The following ADAMTSL1 variants were observed in gnomAD, a reference collection of about 807,000 sequenced individuals.
The protein encoded by ADAMTSL1 is ADAMTS like 1, also known as ADAMTS-like protein 1.
Under a neutral mutation model 201.8 loss-of-function variants are expected in ADAMTSL1, and 126 were observed. The observed-to-expected ratio is 0.62, with a 90% CI of 0.54 to 0.72. The LOEUF is 0.72. Among genes scored for constraint, ADAMTSL1 ranks in the 30% least tolerant of loss-of-function variants. ADAMTSL1 has a pLI of 0.00. For missense variants in ADAMTSL1, 2,679 were observed against 2,277.8 expected, an observed-to-expected ratio of 1.18 and a Z score of -3.59; for synonymous variants, 1,121 against 903.4, an observed-to-expected ratio of 1.24 and a Z score of -4.32.
chr9:18,552,981 A>G (rs894617536), intron 3 of ADAMTSL1, among the ~76,000 whole-genome samples: 8 of 151,476 alleles, frequency 5.3e-5, no homozygotes, highest in African/African-American at 1.5e-4. Context: ...TGCTGTCACT[A>G]TGGTTACTGA....
intron 2 of ADAMTSL1, among the ~76,000 whole-genome samples, chr9:18,171,006 G>T (rs987513377): frequency 6.6e-6 from 1 of 152,064 alleles, no homozygotes; most frequent in Non-Finnish European, 1.5e-5. Context: ...AAATGTTCAT[G>T]AATGGGAAGT....
At chr9:17,935,241 C>G (rs1826957082) in intron 1 of ADAMTSL1, among the ~76,000 whole-genome samples, 1 of 152,080 alleles carries the variant, frequency 6.6e-6, no homozygotes, top group Non-Finnish European at 1.5e-5. Flanking sequence ...GTGCGGCCTC[C>G]AGAACCCCAC....
chr9:18,861,890 T>TC (rs34896270), intron 23 of ADAMTSL1, among the ~76,000 whole-genome samples: 1 of 152,032 alleles, frequency 6.6e-6, no homozygotes, highest in Non-Finnish European at 1.5e-5. Flanking sequence ...CACTCAACTC[T>TC]CCCCCGTCTT....
At chr9:18,226,178 T>G (rs923337474) in intron 2 of ADAMTSL1, among the ~76,000 whole-genome samples, 4 of 152,210 alleles carry the variant, frequency 2.6e-5, no homozygotes, top group Admixed American at 1.3e-4. Flanking sequence ...TGTTTCTTTT[T>G]AATTTTTTCA....
At chr9:18,335,690 A>T (rs1455002438) in intron 2 of ADAMTSL1, among the ~76,000 whole-genome samples, 1 of 152,152 alleles carries the variant, frequency 6.6e-6, no homozygotes, top group Non-Finnish European at 1.5e-5. Context: ...CTTCAAAAAC[A>T]AAAATGTGAA....
chr9:18,576,599 T>G (rs1364285371), intron 4 of ADAMTSL1, among the ~76,000 whole-genome samples: 1 of 152,186 alleles, frequency 6.6e-6, no homozygotes, highest in East Asian at 1.9e-4. Flanking sequence ...AACTCACAGT[T>G]ATTGCCGTTT....
At chr9:18,266,675 G>T (rs903250994) in intron 2 of ADAMTSL1, among the ~76,000 whole-genome samples, 1 of 152,118 alleles carries the variant, frequency 6.6e-6, no homozygotes, top group Non-Finnish European at 1.5e-5. Context: ...GTGGTTCCAT[G>T]GTCCTCATCA....
chr9:18,621,586 ACACACAC>A, intron 4 of ADAMTSL1, among the ~76,000 whole-genome samples: 1 of 148,766 alleles, frequency 6.7e-6, no homozygotes, highest in Middle Eastern at 3.4e-3. Flanking sequence ...ACACACACAC[ACACACAC>A]ACACACAGTA....
intron 25 of ADAMTSL1, chr9:18,890,844 G>A (rs541421331): frequency 3.2e-6 from 1 of 308,158 alleles, no homozygotes; most frequent in Non-Finnish European, 6.4e-6. Flanking sequence ...TTGCCAAGCT[G>A]TGCAAAATGA....
intron 2 of ADAMTSL1, among the ~76,000 whole-genome samples, chr9:18,295,145 T>C (rs1278764050): frequency 6.6e-6 from 1 of 152,080 alleles, no homozygotes; most frequent in Non-Finnish European, 1.5e-5. Flanking sequence ...ATGGTCACTA[T>C]AGAATGGGCC....
chr9:18,514,327 C>CTTT lies in ADAMTSL1; in HGVS notation c.191+9392_191+9394dup, dbSNP rs397963773. Among the ~76,000 whole-genome samples, 530 of 100,068 alleles carry CTTT rather than the reference C, an allele frequency of 5.3e-3. 16 individuals carry two copies. Among genetic ancestry groups the CTTT allele is most frequent in the African/African-American group, 0.017 (432 of 25,898 alleles). The allele number at this position is 100,068 out of a possible 152,430, so 65.6% of individuals were successfully genotyped here. On this transcript the variant is annotated intron_variant, in intron 2 of 28. Transcript: ENST00000380548. ...GTAGAATTGCAACTGATTTTTCTTT[C>CTTT]TTTTTTTTTTTTTTTTTTTTTTTGA...
At chr9:18,084,218 T>C (rs1162925333) in intron 1 of ADAMTSL1, among the ~76,000 whole-genome samples, 6 of 152,052 alleles carry the variant, frequency 3.9e-5, no homozygotes, top group Non-Finnish European at 5.9e-5. Flanking sequence ...TTATGTAAAA[T>C]AAAATTAAGA....
chr9:18,904,102 G>T (rs764616744), intron 26 of ADAMTSL1, among the ~76,000 whole-genome samples: 2 of 151,978 alleles, frequency 1.3e-5, no homozygotes, highest in Non-Finnish European at 2.9e-5. Flanking sequence ...CTGCATAGCT[G>T]GGAATACAGG....
chr9:18,228,496 C>A (rs1189395243), intron 2 of ADAMTSL1, among the ~76,000 whole-genome samples: 1 of 152,142 alleles, frequency 6.6e-6, no homozygotes, highest in African/African-American at 2.4e-5. Flanking sequence ...TCATAGCTCA[C>A]TGTGCCCTTG....
intron 1 of ADAMTSL1, among the ~76,000 whole-genome samples, chr9:18,067,776 G>T (rs1011053276): frequency 6.6e-6 from 1 of 152,144 alleles, no homozygotes; most frequent in Non-Finnish European, 1.5e-5. Flanking sequence ...ATCTATGGAG[G>T]AAGGCTAAAG....
At chr9:18,727,719 A>C (rs755353426) in intron 15 of ADAMTSL1, among the ~76,000 whole-genome samples, 1 of 152,218 alleles carries the variant, frequency 6.6e-6, no homozygotes, top group Non-Finnish European at 1.5e-5. Flanking sequence ...ATGTGTGACC[A>C]TGGAAAGGAA....
intron 2 of ADAMTSL1, among the ~76,000 whole-genome samples, chr9:18,289,477 T>A (rs931397695): frequency 2.6e-5 from 4 of 152,226 alleles, no homozygotes; most frequent in African/African-American, 7.2e-5. Context: ...AATGCAATGA[T>A]ACAGAGTTCA....
At chr9:18,655,672 A>G (rs1828592676) in intron 7 of ADAMTSL1, among the ~76,000 whole-genome samples, 1 of 151,962 alleles carries the variant, frequency 6.6e-6, no homozygotes, top group Admixed American at 6.6e-5. Flanking sequence ...AAAAAACCTC[A>G]TCTCTTTGAA....
At chr9:18,075,740 C>A (rs907654041) in intron 1 of ADAMTSL1, among the ~76,000 whole-genome samples, 1 of 152,122 alleles carries the variant, frequency 6.6e-6, no homozygotes, top group Non-Finnish European at 1.5e-5. Context: ...GCTGTGTAAC[C>A]CCAGAAGGAG....
Sources: allele counts gnomAD v4.1 joint callset (sites outside exome capture counted in the v4.1 genomes callset), GRCh38; gene constraint gnomAD v4.1.1; transcripts MANE v1.5; gene names NCBI Gene and HGNC (gene_info 2026-07-23, HGNC 2026-07-21).